PTPRK: variants seen among roughly 807,000 people sequenced by gnomAD.
PTPRK encodes the protein receptor-type tyrosine-protein phosphatase kappa.
Under a neutral mutation model 178.0 loss-of-function variants are expected in PTPRK, and 75 were observed. The ratio of observed to expected loss-of-function variants is 0.42; its 90% CI spans 0.35 to 0.51. The LOEUF (loss-of-function observed/expected upper bound fraction) is 0.51. Among genes scored for constraint, PTPRK ranks in the 20% least tolerant of loss-of-function variants. PTPRK has a pLI of 0.02. For missense variants in PTPRK, 1,441 were observed against 1,797.8 expected, an observed-to-expected ratio of 0.80 and a Z score of 3.59; for synonymous variants, 637 against 620.6, an observed-to-expected ratio of 1.03 and a Z score of -0.39.
chr6:128,409,857 C>G (rs967678402), intron 1 of PTPRK, among the ~76,000 whole-genome samples: 12 of 152,196 alleles, frequency 7.9e-5, no homozygotes, highest in Admixed American at 2.6e-4. Context: ...GATTATGAGG[C>G]CTCCCCAGCC....
intron 21 of PTPRK, among the ~76,000 whole-genome samples, chr6:127,987,803 T>C (rs575118883): frequency 2.0e-5 from 3 of 152,242 alleles, no homozygotes; most frequent in South Asian, 2.1e-4. Flanking sequence ...TTTATACTAG[T>C]TTTTTATGAT....
intron 1 of PTPRK, among the ~76,000 whole-genome samples, chr6:128,488,259 A>C (rs566010185): frequency 2.6e-5 from 4 of 152,218 alleles, no homozygotes; most frequent in Non-Finnish European, 4.4e-5. Context: ...AACTCTGTTA[A>C]TTCCACTTTC....
intron 7 of PTPRK, among the ~76,000 whole-genome samples, chr6:128,162,461 C>T (rs368353694): frequency 8.6e-5 from 13 of 151,738 alleles, no homozygotes; most frequent in African/African-American, 1.4e-4. Context: ...ATAGCTCATG[C>T]ACTCCTTAAA....
At chr6:128,137,252 G>A (rs1376265189) in intron 7 of PTPRK, among the ~76,000 whole-genome samples, 1 of 152,124 alleles carries the variant, frequency 6.6e-6, no homozygotes, top group East Asian at 1.9e-4. Context: ...TTTATTTTGA[G>A]CCATGCAGCT....
At chr6:127,981,768 G>A (rs1401203697) in intron 24 of PTPRK, among the ~76,000 whole-genome samples, 1 of 152,184 alleles carries the variant, frequency 6.6e-6, no homozygotes, top group Non-Finnish European at 1.5e-5. Context: ...TTTAAGGGCA[G>A]TGAAAACATT....
intron 3 of PTPRK, among the ~76,000 whole-genome samples, chr6:128,243,640 G>A (rs1330654875): frequency 6.6e-6 from 1 of 151,864 alleles, no homozygotes; most frequent in Non-Finnish European, 1.5e-5. Flanking sequence ...GCTGCAGTGA[G>A]GTAGGATGAC....
At chr6:128,009,095 G>T in intron 14 of PTPRK, 35 bp downstream of exon 14, 1 of 1,538,970 alleles carries the variant, frequency 6.5e-7, no homozygotes, top group South Asian at 1.3e-5. Flanking sequence ...GACATAAATG[G>T]TAAGTGAGTG....
At chr6:128,487,628 A>G (rs549581137) in intron 1 of PTPRK, among the ~76,000 whole-genome samples, 76 of 152,072 alleles carry the variant, frequency 5.0e-4, no homozygotes, top group Non-Finnish European at 7.4e-4. Flanking sequence ...AAGAATGAAC[A>G]GACAGGTGTT....
At chr6:128,366,980 TC>T (rs2128345841) in intron 2 of PTPRK, among the ~76,000 whole-genome samples, 1 of 152,172 alleles carries the variant, frequency 6.6e-6, no homozygotes, top group East Asian at 1.9e-4. Flanking sequence ...AGAAACAGGC[TC>T]CCAACACCAA....
At chr6:128,038,625 C>T (rs891132557) in intron 13 of PTPRK, among the ~76,000 whole-genome samples, 5 of 152,104 alleles carry the variant, frequency 3.3e-5, no homozygotes, top group Non-Finnish European at 5.9e-5. Flanking sequence ...TACTGCAGCT[C>T]AGGAAATGCG....
intron 13 of PTPRK, among the ~76,000 whole-genome samples, chr6:128,032,992 A>G (rs1016877998): frequency 6.6e-6 from 1 of 152,180 alleles, no homozygotes; most frequent in Non-Finnish European, 1.5e-5. Context: ...AAATTACGTG[A>G]TCTTCCCAGG....
intron 3 of PTPRK, among the ~76,000 whole-genome samples, chr6:128,261,242 T>C (rs1040266920): frequency 6.6e-6 from 1 of 152,138 alleles, no homozygotes; most frequent in Non-Finnish European, 1.5e-5. Context: ...GTTCATATGA[T>C]TAAAGATGTA....
intron 16 of PTPRK, 22 bp from the exon 17 acceptor site, chr6:127,997,010 G>A (rs1038641038): frequency 1.2e-6 from 2 of 1,602,894 alleles, no homozygotes; most frequent in Non-Finnish European, 8.5e-7. Flanking sequence ...AAACGAATAA[G>A]CAGACTGAAT....
At chr6:127,977,549 AG>A (rs1562370379) in intron 25 of PTPRK, among the ~76,000 whole-genome samples, 2 of 152,200 alleles carry the variant, frequency 1.3e-5, no homozygotes, top group South Asian at 4.1e-4. Flanking sequence ...ACTCCAAATA[AG>A]AAAAACCACA....
intron 5 of PTPRK, among the ~76,000 whole-genome samples, chr6:128,227,528 T>C (rs1293735661): frequency 2.0e-5 from 3 of 152,208 alleles, no homozygotes; most frequent in African/African-American, 7.2e-5. Context: ...GGGAAATCTG[T>C]AAAATCAGGT....
chr6:128,320,332 C>G (rs1012406778), intron 3 of PTPRK, among the ~76,000 whole-genome samples: 1 of 152,026 alleles, frequency 6.6e-6, no homozygotes, highest in Non-Finnish European at 1.5e-5. Context: ...TCTTTAACAA[C>G]TTAGAAAAAA....
chr6:128,380,553 C>CAG (rs1554246047), intron 2 of PTPRK, among the ~76,000 whole-genome samples: 3 of 146,372 alleles, frequency 2.0e-5, no homozygotes, highest in African/African-American at 7.5e-5. Context: ...CACACACACA[C>CAG]GTGTGTGTGT....
In PTPRK at chr6:127,996,930, G is replaced by A; in HGVS notation, c.2738C>T (p.Ala913Val). The A allele has an allele frequency of 6.2e-7, 1 of 1,611,012 alleles. No homozygotes were observed. The highest frequency in any genetic ancestry group is 8.5e-7 in the Non-Finnish European group (1 of 1,178,460). ...WDVAKKDQNR[A>V]KNRYGNIIAY... ...TATAATGTTTCCATATCGGTTTTTT[G>A]CTCTATTTTGATCTTTTTTAGCTAC... Residue 913 changes from alanine to valine, a missense_variant, in exon 17 of 30, where the codon GCA (alanine) becomes GTA (valine). By Grantham distance (64) the Ala-to-Val change is moderately conservative. Around this residue, in one of 4 missense-constraint regions of PTPRK, gnomAD observed 945 missense variants for 1,080.6 expected, o/e 0.87. Transcript: ENST00000368226.
At chr6:128,298,971 C>G (rs1301158632) in intron 3 of PTPRK, among the ~76,000 whole-genome samples, 2 of 152,078 alleles carry the variant, frequency 1.3e-5, no homozygotes, top group African/African-American at 2.4e-5. Context: ...CTAGAAAACC[C>G]CACTGTCTCA....
Sources: gnomAD v4.1 joint callset for allele counts (sites outside exome capture counted in the v4.1 genomes callset) on GRCh38, gnomAD v4.1.1 for gene constraint, gnomAD v4.1.1 regional missense constraint, MANE v1.5 for transcripts, NCBI Gene and HGNC (gene_info 2026-07-23, HGNC 2026-07-21) for gene names.